Variants in KLHL32 observed in about 807,000 individuals in gnomAD.
KLHL32 encodes kelch-like protein 32.
Under a neutral mutation model 64.8 loss-of-function variants are expected in KLHL32, and 35 were observed. The observed-to-expected ratio is 0.54, with a 90% CI of 0.41 to 0.72. The LOEUF (loss-of-function observed/expected upper bound fraction) is 0.72. Among genes scored for constraint, KLHL32 ranks in the 30% least tolerant of loss-of-function variants. The pLI is 0.00. For synonymous variants in KLHL32, 259 were observed against 281.0 expected (o/e 0.92, Z 0.78); for missense variants, 589 against 768.5 (o/e 0.77, Z 2.76).
intron 4 of KLHL32, among the ~76,000 whole-genome samples, chr6:97,046,164 C>T (rs568048078): frequency 9.9e-5 from 15 of 152,208 alleles, no homozygotes; most frequent in Non-Finnish European, 1.6e-4. Context: ...TTTCCTGGAG[C>T]ACCTTCTGAA....
intron 3 of KLHL32, among the ~76,000 whole-genome samples, chr6:97,031,378 C>G (rs1562261334): frequency 6.6e-6 from 1 of 151,730 alleles, no homozygotes; most frequent in Non-Finnish European, 1.5e-5. Flanking sequence ...CTCTTTTGCC[C>G]AAGCTGGAGT....
At chr6:97,090,986 G>T (rs1794136792) in intron 6 of KLHL32, among the ~76,000 whole-genome samples, 1 of 152,260 alleles carries the variant, frequency 6.6e-6, no homozygotes. Flanking sequence ...CACATTGGGA[G>T]GTTGAGGCAG....
intron 3 of KLHL32, among the ~76,000 whole-genome samples, chr6:96,977,709 T>C (rs908089051): frequency 6.6e-6 from 1 of 152,214 alleles, no homozygotes; most frequent in Non-Finnish European, 1.5e-5. Context: ...TCAACTGCAC[T>C]TAATTGCCAA....
the KLHL32 span, among the ~76,000 whole-genome samples, chr6:96,912,862 T>C: frequency 6.6e-6 from 1 of 152,292 alleles, no homozygotes; most frequent in South Asian, 2.1e-4. Flanking sequence ...GTCTGTCTGC[T>C]CCTCTCCCTA....
At chr6:96,984,835 G>A (rs1776806307) in intron 3 of KLHL32, among the ~76,000 whole-genome samples, 1 of 152,142 alleles carries the variant, frequency 6.6e-6, no homozygotes, top group Admixed American at 6.5e-5. Context: ...CAATTTGCCA[G>A]TCTGTGTCTT....
At chr6:97,038,891 G>T (rs1784680414) in intron 3 of KLHL32, among the ~76,000 whole-genome samples, 1 of 151,678 alleles carries the variant, frequency 6.6e-6, no homozygotes, top group Non-Finnish European at 1.5e-5. Context: ...AGGAGTTCGA[G>T]ACCAGCATGG....
intron 7 of KLHL32, among the ~76,000 whole-genome samples, chr6:97,125,455 A>C (rs1047149543): frequency 6.6e-5 from 10 of 152,228 alleles, no homozygotes; most frequent in Non-Finnish European, 1.3e-4. Flanking sequence ...TTTATTCAAG[A>C]CTATAGCAAT....
At chr6:96,903,281 A>G in the KLHL32 span, among the ~76,000 whole-genome samples, 2 of 151,920 alleles carry the variant, frequency 1.3e-5, no homozygotes, top group Non-Finnish European at 2.9e-5. Context: ...TATATATACA[A>G]TTATAATACT....
At chr6:96,935,542 T>C (rs1309948498) in intron 1 of KLHL32, among the ~76,000 whole-genome samples, 1 of 152,206 alleles carries the variant, frequency 6.6e-6, no homozygotes, top group African/African-American at 2.4e-5. Flanking sequence ...AAACCGCGTC[T>C]ATCATCAATT....
intron 1 of KLHL32, among the ~76,000 whole-genome samples, chr6:96,959,955 G>T (rs1428106104): frequency 6.6e-6 from 1 of 152,130 alleles, no homozygotes; most frequent in Non-Finnish European, 1.5e-5. Flanking sequence ...TCCTAGAATA[G>T]TTCCCTTTTT....
At chr6:96,992,393 A>G (rs1044029571) in intron 3 of KLHL32, among the ~76,000 whole-genome samples, 2 of 152,142 alleles carry the variant, frequency 1.3e-5, no homozygotes, top group African/African-American at 4.8e-5. Flanking sequence ...TGTGGATTGT[A>G]TTGCTTCCTT....
chr6:96,986,086 TAACA>T (rs1777021109), intron 3 of KLHL32, among the ~76,000 whole-genome samples: 1 of 152,216 alleles, frequency 6.6e-6, no homozygotes, highest in Admixed American at 6.5e-5. Context: ...GTTTTCCTTC[TAACA>T]GTCAGGACCC....
At chr6:97,094,036 T>C (rs573977527) in intron 6 of KLHL32, among the ~76,000 whole-genome samples, 1 of 152,344 alleles carries the variant, frequency 6.6e-6, no homozygotes, top group South Asian at 2.1e-4. Context: ...ATTGAAATTT[T>C]AGAAATGTAT....
intron 2 of KLHL32, among the ~76,000 whole-genome samples, chr6:96,970,194 T>A (rs1774959208): frequency 6.6e-6 from 1 of 152,176 alleles, no homozygotes; most frequent in African/African-American, 2.4e-5. Flanking sequence ...AGGTCTGCTC[T>A]AGTCTGGCCC....
chr6:96,986,117 T>C (rs1435593919), intron 3 of KLHL32, among the ~76,000 whole-genome samples: 1 of 152,350 alleles, frequency 6.6e-6, no homozygotes, highest in African/African-American at 2.4e-5. Context: ...GCAGGTCTTT[T>C]GGAGTTTGTT....
At chr6:96,988,726 T>C (rs900629713) in intron 3 of KLHL32, among the ~76,000 whole-genome samples, 1 of 152,208 alleles carries the variant, frequency 6.6e-6, no homozygotes, top group Admixed American at 6.5e-5. Flanking sequence ...AATGATAGAC[T>C]GGATTAAGAA....
intron 1 of KLHL32, among the ~76,000 whole-genome samples, chr6:96,942,837 C>A (rs1360741766): frequency 6.6e-6 from 1 of 152,106 alleles, no homozygotes; most frequent in East Asian, 1.9e-4. Context: ...TTTTTATTGT[C>A]CTCATTCTGC....
At chr6:96,979,539 A>C (rs1243285501) in intron 3 of KLHL32, among the ~76,000 whole-genome samples, 1 of 152,162 alleles carries the variant, frequency 6.6e-6, no homozygotes, top group African/African-American at 2.4e-5. Flanking sequence ...TGGTTATTGT[A>C]GCCTTGTAGT....
At chr6:96,938,548 T>G (rs1770895541) in intron 1 of KLHL32, among the ~76,000 whole-genome samples, 1 of 152,180 alleles carries the variant, frequency 6.6e-6, no homozygotes, top group African/African-American at 2.4e-5. Context: ...TAAGGCTGCC[T>G]GTGGACCACA....
Sources: gnomAD v4.1 joint callset for allele counts (sites outside exome capture counted in the v4.1 genomes callset) on GRCh38, gnomAD v4.1.1 for gene constraint, MANE v1.5 for transcripts, NCBI Gene and HGNC (gene_info 2026-07-23, HGNC 2026-07-21) for gene names.